WDR4: variants seen among roughly 807,000 people sequenced by gnomAD.
WDR4 encodes tRNA (guanine-N(7)-)-methyltransferase non-catalytic subunit WDR4.
Under a neutral mutation model 48.6 loss-of-function variants are expected in WDR4, and 47 were observed. That is an observed-to-expected ratio of 0.97 (90% CI 0.77 to 1.23). WDR4 has a LOEUF of 1.23. Ranked by LOEUF, WDR4 falls within the 50% of genes most tolerant of loss-of-function variation. WDR4 has a pLI of 0.00. For synonymous variants in WDR4, 268 were observed against 230.0 expected, an observed-to-expected ratio of 1.17 and a Z score of -1.49; for missense variants, 606 against 551.6, an observed-to-expected ratio of 1.10 and a Z score of -0.99.
At chr21:42,877,081 T>G in intron 1 of WDR4, among the ~76,000 whole-genome samples, 1 of 150,684 alleles carries the variant, frequency 6.6e-6, no homozygotes, top group East Asian at 1.9e-4. Context: ...CCTCCCAAAG[T>G]GCTCACAGGT....
At chr21:42,859,755 G>C in intron 5 of WDR4, 33 bp from the exon 6 acceptor site, 1 of 1,551,982 alleles carries the variant, frequency 6.4e-7, no homozygotes. Flanking sequence ...CAGAGTCAGC[G>C]AGCCCAGCGC....
intron 11 of WDR4, among the ~76,000 whole-genome samples, chr21:42,843,682 T>G (rs554822960): frequency 7.9e-5 from 12 of 152,184 alleles, no homozygotes; most frequent in African/African-American, 2.6e-4. Context: ...CAAGCGATTC[T>G]CCTGCTTTAG....
chr21:42,879,189 G>A (rs2058571499), intron 1 of WDR4: 2 of 1,334,070 alleles, frequency 1.5e-6, no homozygotes, highest in African/African-American at 1.5e-5. Context: ...CGCCGGAGCC[G>A]GGGAGCGGAC....
At chr21:42,887,844 G>C in the WDR4 span, among the ~76,000 whole-genome samples, 1 of 151,906 alleles carries the variant, frequency 6.6e-6, no homozygotes, top group South Asian at 2.1e-4. Flanking sequence ...CTTGAGCCCG[G>C]GTAGCAGAGG....
intron 3 of WDR4, among the ~76,000 whole-genome samples, chr21:42,870,054 C>T (rs2058337053): frequency 6.6e-6 from 1 of 150,916 alleles, no homozygotes; most frequent in Non-Finnish European, 1.5e-5. Context: ...GAGGGATAGT[C>T]AAGAAAACTG....
chr21:42,855,482 A>G (rs2057962487), intron 7 of WDR4, among the ~76,000 whole-genome samples, 200 bp downstream of exon 7: 1 of 152,250 alleles, frequency 6.6e-6, no homozygotes, highest in African/African-American at 2.4e-5. Context: ...AACTGTTTGC[A>G]TGCAACAGGG....
intron 2 of WDR4, among the ~76,000 whole-genome samples, chr21:42,876,201 G>A (rs948187590): frequency 1.3e-4 from 18 of 136,322 alleles, no homozygotes; most frequent in African/African-American, 3.0e-4. Context: ...CACCGCACCC[G>A]GCACTAACAC....
chr21:42,877,369 C>T (rs2058518395), intron 1 of WDR4, among the ~76,000 whole-genome samples: 2 of 151,346 alleles, frequency 1.3e-5, no homozygotes, highest in Admixed American at 1.3e-4. Context: ...GTCTCAAGCT[C>T]CTGACCTCAG....
chr21:42,844,008 T>C (rs1011450660), intron 11 of WDR4, among the ~76,000 whole-genome samples: 8 of 152,148 alleles, frequency 5.3e-5, no homozygotes, highest in African/African-American at 1.9e-4. Flanking sequence ...TTTTTTTAAA[T>C]ACCAAAACCA....
intron 1 of WDR4, 56 bp from the exon 2 acceptor site, chr21:42,876,823 A>ATT: frequency 5.7e-5 from 77 of 1,346,380 alleles, no homozygotes; most frequent in Admixed American, 1.8e-4. Context: ...GAAATAACAA[A>ATT]TTTTTTTTTT....
intron 3 of WDR4, 86 bp from the exon 4 acceptor site, chr21:42,863,682 G>T: frequency 6.9e-7 from 1 of 1,449,292 alleles, no homozygotes; most frequent in South Asian, 1.4e-5. Flanking sequence ...GGCGGTGGCA[G>T]GCACCGGTAC....
Position 42,862,054 on chromosome 21 carries a change from A to C in WDR4, c.566+228T>G, listed in dbSNP as rs2058129019. On this transcript the variant is annotated intron_variant, in intron 5 of 10. Transcript: ENST00000398208. The surrounding 1 kb of genome is among the most constrained non-coding windows in gnomAD (Gnocchi z 4.3). Reference sequence around the variant, plus strand: ...AGCCCTTCCTGTTCGGTCAGGCCCAATGCCAAGTTACTGGCACAGACTCCG... The same window carrying C: ...AGCCCTTCCTGTTCGGTCAGGCCCACTGCCAAGTTACTGGCACAGACTCCG... 6.6e-6 allele frequency among the ~76,000 whole-genome samples: 1 copy of C among 152,154 alleles called. No homozygotes were observed. The highest frequency in any genetic ancestry group is 2.1e-4 in the South Asian group (1 of 4,820).
the WDR4 span, among the ~76,000 whole-genome samples, chr21:42,885,654 C>G: frequency 6.6e-6 from 1 of 151,986 alleles, no homozygotes; most frequent in African/African-American, 2.4e-5. Context: ...TTATCAATTT[C>G]CCCCAAAATC....
At chr21:42,863,669 G>A (rs1434271101) in intron 3 of WDR4, 73 bp from the exon 4 acceptor site, 22 of 1,507,780 alleles carry the variant, frequency 1.5e-5, no homozygotes, top group East Asian at 2.3e-5. Flanking sequence ...GGCAGGCCAC[G>A]TGGGCGGTGG....
upstream of WDR4, chr21:42,883,725 C>T (rs1373410228): frequency 6.5e-6 from 1 of 153,662 alleles, no homozygotes; most frequent in Non-Finnish European, 1.5e-5. Context: ...AGGAAGAATT[C>T]TCCCCTAGAC....
chr21:42,874,474 A>C (rs1402914279), intron 2 of WDR4, among the ~76,000 whole-genome samples: 1 of 152,204 alleles, frequency 6.6e-6, no homozygotes, highest in Non-Finnish European at 1.5e-5. Context: ...AGATAACCTT[A>C]AACTCTGACC....
intron 9 of WDR4, among the ~76,000 whole-genome samples, chr21:42,853,118 C>T (rs530231641): frequency 4.6e-5 from 7 of 152,134 alleles, no homozygotes; most frequent in African/African-American, 1.4e-4. Context: ...CGCCCAGAGA[C>T]CCCACTGTCT....
intron 6 of WDR4, among the ~76,000 whole-genome samples, chr21:42,857,070 C>G (rs927911710): frequency 6.6e-6 from 1 of 152,148 alleles, no homozygotes; most frequent in Non-Finnish European, 1.5e-5. Context: ...CCGGGCCAGG[C>G]AGCCTGAAGA....
At chr21:42,859,558 C>CAAGGGGCCAGCGATCCA in intron 6 of WDR4, 104 bp downstream of exon 6, 1 of 820,430 alleles carries the variant, frequency 1.2e-6, no homozygotes, top group Non-Finnish European at 1.9e-6. Flanking sequence ...CCACAGCCAG[C>CAAGGGGCCAGCGATCCA]CAGGGGCCAG....
Sources: allele counts gnomAD v4.1 joint callset (sites outside exome capture counted in the v4.1 genomes callset), GRCh38; gene constraint gnomAD v4.1.1; non-coding constraint Gnocchi (gnomAD v3.1); transcripts MANE v1.5; gene names NCBI Gene and HGNC (gene_info 2026-07-23, HGNC 2026-07-21).